XKR4: variants seen among roughly 807,000 people sequenced by gnomAD.
XKR4 encodes the protein XK related 4, also known as XK-related protein 4.
Under a neutral mutation model 53.9 loss-of-function variants are expected in XKR4, and 12 were observed. That is an observed-to-expected ratio of 0.22 (90% CI 0.14 to 0.36). The LOEUF (loss-of-function observed/expected upper bound fraction) is 0.36. Among genes scored for constraint, XKR4 ranks in the 10% least tolerant of loss-of-function variants. XKR4 has a pLI of 1.00. For missense variants in XKR4, 799 were observed against 859.5 expected (o/e 0.93, Z 0.88); for synonymous variants, 354 against 362.4 (o/e 0.98, Z 0.26).
chr8:55,540,721 G>A lies in XKR4; in HGVS notation c.*16494G>A, dbSNP rs905471388. On this transcript the variant is annotated 3_prime_UTR_variant, in exon 3 of 3. Transcript: ENST00000327381. ...GGGCTATGACAAAAATGTTGTTAAAGCAAGAGCAAAATCATCCTTCCTATG... is the reference window on the plus strand; with the variant it reads ...GGGCTATGACAAAAATGTTGTTAAAACAAGAGCAAAATCATCCTTCCTATG... 6.6e-6 allele frequency: 1 copy of A among 152,148 alleles called. No homozygotes were observed. The highest frequency in any genetic ancestry group is 1.9e-4 in the East Asian group (1 of 5,196). The allele number at this position is 152,148 out of a possible 1,614,324, so 9.4% of individuals were successfully genotyped here. A position where few individuals can be genotyped will look rare whatever the true frequency, so the allele number is the denominator to read the frequency against.
rs184683874 is a variant in XKR4, at chr8:55,481,931, C to G, written c.1007-41350C>G. On this transcript the variant is annotated intron_variant, in intron 2 of 2. Coordinates refer to ENST00000327381, the MANE Select transcript of XKR4 (RefSeq NM_052898.2). ...TAAAGGATGTGGAGAAATAGGAACA[C>G]TTTTCCACTGTTGGTGGGACTGTAA... Among the ~76,000 whole-genome samples, 5 of 152,298 alleles carry G rather than the reference C, an allele frequency of 3.3e-5. No individual in the cohort carries two copies. The East Asian group carries it at 9.6e-4, about 29-fold the overall frequency.
At chr8:55,160,612 C>T (rs944141110) in intron 1 of XKR4, among the ~76,000 whole-genome samples, 43 of 152,194 alleles carry the variant, frequency 2.8e-4, no homozygotes, top group African/African-American at 8.4e-4. Flanking sequence ...GAGGGATTCA[C>T]ATGCCTCACT....
intron 2 of XKR4, among the ~76,000 whole-genome samples, chr8:55,426,912 T>A (rs1431095610): frequency 6.6e-6 from 1 of 152,216 alleles, no homozygotes; most frequent in Non-Finnish European, 1.5e-5. Flanking sequence ...TTGACTGACT[T>A]TCTGTAAATT....
intron 2 of XKR4, among the ~76,000 whole-genome samples, chr8:55,473,740 T>C (rs1805928246): frequency 6.6e-6 from 1 of 152,152 alleles, no homozygotes; most frequent in African/African-American, 2.4e-5. Flanking sequence ...TTGGCTATAA[T>C]GGTTTACTTT....
chr8:55,482,453 G>A (rs540299969), intron 2 of XKR4, among the ~76,000 whole-genome samples: 5 of 152,104 alleles, frequency 3.3e-5, no homozygotes, highest in Admixed American at 1.3e-4. Context: ...GCTAAATGAC[G>A]AGTTAATGGG....
intron 1 of XKR4, among the ~76,000 whole-genome samples, chr8:55,206,262 G>T (rs905816914): frequency 1.3e-5 from 2 of 152,146 alleles, no homozygotes; most frequent in Non-Finnish European, 2.9e-5. Context: ...CCCCACCCAC[G>T]TCCTGCTGAT....
chr8:55,382,275 A>C (rs1190948168), intron 2 of XKR4, among the ~76,000 whole-genome samples: 1 of 152,252 alleles, frequency 6.6e-6, no homozygotes. Flanking sequence ...ACCTGGGACA[A>C]GATCACTTTG....
intron 1 of XKR4, among the ~76,000 whole-genome samples, chr8:55,161,947 G>A (rs1445636964): frequency 6.6e-6 from 1 of 152,154 alleles, no homozygotes; most frequent in Non-Finnish European, 1.5e-5. Flanking sequence ...ACCACCACAG[G>A]CCTTTGATTT....
At chr8:55,323,553 T>A (rs1420814364) in intron 1 of XKR4, among the ~76,000 whole-genome samples, 4 of 152,234 alleles carry the variant, frequency 2.6e-5, no homozygotes, top group Non-Finnish European at 5.9e-5. Flanking sequence ...CTAAGTAGTA[T>A]TCTATTGTGT....
rs548492351 is a variant in XKR4 at position 55,139,071 on chromosome 8, T to C, written c.806+35777T>C. Among the ~76,000 whole-genome samples the C allele has an allele frequency of 5.3e-5, 8 of 152,328 alleles. No individual in the cohort carries two copies. In the East Asian group the frequency reaches 1.5e-3, roughly 29 times the overall value. On this transcript the variant is annotated intron_variant, in intron 1 of 2. Transcript: ENST00000327381. ...TGTACATGGTACCTGTGTATATTTT[T>C]TTCATATTGGGACAAGATTCTATAA... is the stretch of plus-strand genomic sequence containing the variant.
At chr8:55,254,085 T>G (rs575692489) in intron 1 of XKR4, among the ~76,000 whole-genome samples, 20 of 152,046 alleles carry the variant, frequency 1.3e-4, no homozygotes, top group African/African-American at 4.8e-4. Flanking sequence ...ATTTTTCTCT[T>G]CAACAAATGA....
At position 55,540,044 on chromosome 8, in the gene XKR4, A is replaced by G. The variant is rs879510141; in HGVS notation, c.*15817A>G. ...AACATGTACTTGAGATATAAGCTAT[A>G]CATCTCATCACTGGAAGAAAGGAGA... On this transcript the variant is annotated 3_prime_UTR_variant, in exon 3 of 3. Transcript: ENST00000327381. 3.3e-5 allele frequency: 5 copies of G among 152,228 alleles called. No homozygotes were observed. The highest frequency in any genetic ancestry group is 7.3e-5 in the Non-Finnish European group (5 of 68,046). 9.4% of individuals were successfully genotyped at this position (152,228 alleles called of 1,614,324 possible).
chr8:55,224,644 A>G (rs1817928687), intron 1 of XKR4, among the ~76,000 whole-genome samples: 1 of 152,172 alleles, frequency 6.6e-6, no homozygotes, highest in Non-Finnish European at 1.5e-5. Flanking sequence ...GGCCTAATGA[A>G]GTACTGGGTT....
chr8:55,437,969 A>C (rs1303176318), intron 2 of XKR4, among the ~76,000 whole-genome samples: 2 of 149,414 alleles, frequency 1.3e-5, no homozygotes, highest in East Asian at 1.9e-4. Flanking sequence ...AAAAAAAAGA[A>C]GAAGAAGAAG....
chr8:55,488,710 C>T lies in XKR4; in HGVS notation c.1007-34571C>T, dbSNP rs1383310714. Among the ~76,000 whole-genome samples, 4 of 10,226 alleles carry T rather than the reference C, an allele frequency of 3.9e-4. 1 individual carries two copies. Among genetic ancestry groups the T allele is most frequent in the Non-Finnish European group, 6.9e-4 (4 of 5,810 alleles). The allele number at this position is 10,226 out of a possible 152,430, so 6.7% of individuals were successfully genotyped here. On this transcript the variant is annotated intron_variant, in intron 2 of 2. Transcript: ENST00000327381. ...ATCCCAGCACTTTGGGAGGCCGAGG[C>T]GGGCGGATCACGAGGTCAGGAGATC...
chr8:55,248,861 GT>G (rs1818328258), intron 1 of XKR4, among the ~76,000 whole-genome samples: 1 of 151,802 alleles, frequency 6.6e-6, no homozygotes, highest in African/African-American at 2.4e-5. Context: ...CTTGTGACTT[GT>G]TTTTTTCCTT....
chr8:55,453,768 C>T (rs1056761885), intron 2 of XKR4: 2 of 400,420 alleles, frequency 5.0e-6, no homozygotes, highest in African/African-American at 2.1e-5. Context: ...CAGAGCTGCT[C>T]TACCAGTTCT....
At chr8:55,177,329 G>A (rs1817249263) in intron 1 of XKR4, among the ~76,000 whole-genome samples, 1 of 152,160 alleles carries the variant, frequency 6.6e-6, no homozygotes, top group South Asian at 2.1e-4. Flanking sequence ...GAGCCACCAT[G>A]CCTGACCACT....
chr8:55,115,880 C>A (rs1433185311), intron 1 of XKR4, among the ~76,000 whole-genome samples: 3 of 152,168 alleles, frequency 2.0e-5, no homozygotes, highest in Non-Finnish European at 4.4e-5. Flanking sequence ...CAGTTTTATG[C>A]AGTACTCAGA....
Sources: gnomAD v4.1 joint callset for allele counts (sites outside exome capture counted in the v4.1 genomes callset) on GRCh38, gnomAD v4.1.1 for gene constraint, MANE v1.5 for transcripts, NCBI Gene and HGNC (gene_info 2026-07-23, HGNC 2026-07-21) for gene names.